Variants in ADGRV1 observed in about 807,000 individuals in gnomAD.
The protein encoded by ADGRV1 is adhesion G protein-coupled receptor V1, also known as G-protein coupled receptor 98.
ADGRV1 carries 359 observed loss-of-function variants against 596.2 expected under a neutral mutation model. The ratio of observed to expected loss-of-function variants is 0.60; its 90% CI spans 0.55 to 0.66. The LOEUF (loss-of-function observed/expected upper bound fraction) is 0.66, where lower values mean the gene tolerates loss of function less well. Ranked by LOEUF, ADGRV1 falls within the 30% of genes least tolerant of loss-of-function variation. The pLI, the probability that ADGRV1 is intolerant of heterozygous loss-of-function variation, is 0.00. For missense variants in ADGRV1, 7,274 were observed against 7,575.6 expected (o/e 0.96, Z 1.48); for synonymous variants, 2,681 against 2,679.2 (o/e 1.00, Z -0.02).
At chr5:91,018,291 A>G (rs1783341741) in intron 85 of ADGRV1, among the ~76,000 whole-genome samples, 1 of 151,966 alleles carries the variant, frequency 6.6e-6, no homozygotes, top group Non-Finnish European at 1.5e-5. Context: ...AGCTCCAGAC[A>G]GCTCAGCTCC....
rs1774807785 is a variant in ADGRV1, at chr5:90,928,668, C to A, written c.17857-36747C>A. Among the ~76,000 whole-genome samples, 4 of 150,572 alleles carry A rather than the reference C, an allele frequency of 2.7e-5. No homozygotes were observed. In the South Asian group the frequency reaches 8.5e-4, roughly 32 times the overall value. On this transcript the variant is annotated intron_variant, in intron 83 of 89. Transcript: ENST00000405460. ...TTCTCCATCCAGCTTTGTTCCGTTG[C>A]TGGTGAGGAACTGCGTTCCTTTGGA...
At chr5:90,734,040 T>C (rs73175296) in intron 50 of ADGRV1, among the ~76,000 whole-genome samples, 1,849 of 152,316 alleles carry the variant, frequency 0.012, 35 homozygotes, top group African/African-American at 0.043. Flanking sequence ...GTGCCTAGCT[T>C]ATTTACTTGG....
chr5:91,030,350 T>G (rs554233755), intron 85 of ADGRV1, among the ~76,000 whole-genome samples: 1 of 152,292 alleles, frequency 6.6e-6, no homozygotes, highest in South Asian at 2.1e-4. Flanking sequence ...ATGTTTTTGG[T>G]ATTTTGGTAT....
At chr5:90,617,550 C>T (rs140476442) in intron 2 of ADGRV1, 233 of 273,832 alleles carry the variant, frequency 8.5e-4, no homozygotes, top group African/African-American at 3.8e-3. Flanking sequence ...CCTCGTGATC[C>T]GCCCGTGTCG....
In ADGRV1 at chr5:90,712,392, C is replaced by A. The variant is rs868325775; in HGVS notation, c.9148C>A (p.Pro3050Thr). 1 of 1,589,970 alleles carries A rather than the reference C, an allele frequency of 6.3e-7. No individual in the cohort carries two copies. The highest frequency in any genetic ancestry group is 1.1e-5 in the South Asian group (1 of 87,712). ...AAAATTTCAGCTGATTTTAACAAAT[C>A]CTTCTCCTGGACTAGAGCTAGGGAA... ...DEKFQLILTN[P>T]SPGLELGKNT... Residue 3050 changes from proline to threonine, a missense_variant, in exon 42 of 90, where the codon CCT becomes ACT. Physicochemically the swap from Pro to Thr is conservative, Grantham distance 38. Around this residue, in one of 5 missense-constraint regions of ADGRV1, gnomAD observed 3,643 missense variants for 3,809.2 expected, o/e 0.96. Transcript: ENST00000405460.
In ADGRV1 at chr5:90,711,163, TG is replaced by T. The variant is rs748267735; in HGVS notation, c.8904-20del. On this transcript the variant is annotated intron_variant, in intron 40 of 89. Transcript: ENST00000405460. The stretch of plus-strand genomic sequence containing the variant: ...AAAATTAATTTTTTTTGTTTGTTTT[TG>T]TTTTTTTGCTATATTATAGGTTTGA... The T allele has an allele frequency of 1.9e-6, 3 of 1,590,392 alleles. No homozygotes were observed. The highest frequency in any genetic ancestry group is 1.2e-5 in the South Asian group (1 of 85,926).
chr5:90,643,076 T>G, intron 13 of ADGRV1, 35 bp downstream of exon 13: 2 of 1,508,216 alleles, frequency 1.3e-6, no homozygotes, highest in East Asian at 4.5e-5. Flanking sequence ...TGTTTCTCTG[T>G]AAGATTGATA....
chr5:91,140,365 T>C (rs1171998196), intron 87 of ADGRV1, among the ~76,000 whole-genome samples: 1 of 152,200 alleles, frequency 6.6e-6, no homozygotes, highest in Non-Finnish European at 1.5e-5. Context: ...ATCTGAATGC[T>C]AAACTCTTAA....
chr5:90,612,932 A>G (rs1203781749), intron 1 of ADGRV1, among the ~76,000 whole-genome samples: 1 of 152,064 alleles, frequency 6.6e-6, no homozygotes, highest in African/African-American at 2.4e-5. Flanking sequence ...CAGAATTAAT[A>G]GGGCTACTTG....
At chr5:90,581,791 G>T (rs1758096680) in intron 1 of ADGRV1, among the ~76,000 whole-genome samples, 1 of 152,098 alleles carries the variant, frequency 6.6e-6, no homozygotes, top group East Asian at 1.9e-4. Flanking sequence ...TGTCAGACAG[G>T]GCTCTAACTT....
chr5:91,128,406 T>C (rs1402222550), intron 87 of ADGRV1, among the ~76,000 whole-genome samples: 1 of 152,056 alleles, frequency 6.6e-6, no homozygotes, highest in Admixed American at 6.6e-5. Context: ...ACATCTGTAA[T>C]GTAATTATTT....
chr5:90,695,075 G>A (rs984190251), intron 33 of ADGRV1, among the ~76,000 whole-genome samples: 3 of 152,156 alleles, frequency 2.0e-5, no homozygotes, highest in Admixed American at 6.5e-5. Flanking sequence ...TTGGTAAGAA[G>A]CAGTGGTAGC....
chr5:90,589,883 T>G (rs966656385), intron 1 of ADGRV1, among the ~76,000 whole-genome samples: 1 of 152,158 alleles, frequency 6.6e-6, no homozygotes, highest in Admixed American at 6.5e-5. Context: ...ACACCAAAAT[T>G]ACTGAAAAAC....
At position 90,810,434 on chromosome 5, in the gene ADGRV1, T is replaced by A; in HGVS notation, c.15174T>A (p.Val5058=). The change falls in exon 74 of 90, where the codon GTT becomes GTA. Residue 5058 remains valine, a synonymous_variant. Transcript: ENST00000405460. The part of the protein sequence containing the change: ...SAKPLEDFEP[V]QNGELFFQKF... ...AGCCACTGGAAGATTTTGAGCCTGT[T>A]CAGAATGGGGAACTGTTTTTTCAAA... 1 of 1,613,942 alleles carries A rather than the reference T, an allele frequency of 6.2e-7. No homozygotes were observed. Among genetic ancestry groups the A allele is most frequent in the Non-Finnish European group, 8.5e-7 (1 of 1,179,834 alleles).
At position 90,651,614 on chromosome 5, in the gene ADGRV1, A is replaced by G. The variant is rs1768637976; in HGVS notation, c.3300A>G (p.Val1100=). The part of the protein sequence containing the change: ...IILLNSTGDT[V]VYQYGVATVI... ...CCACTTTTAATTTAGGTGATACAGT[A>G]GTATATCAATATGGAGTAGCTACAG... The change falls in exon 18 of 90, where the codon GTA becomes GTG. Residue 1100 remains valine (V), a synonymous_variant. Coordinates refer to ENST00000405460, the MANE Select transcript of ADGRV1 (RefSeq NM_032119.4). The G allele has an allele frequency of 6.3e-7, 1 of 1,577,066 alleles. No individual in the cohort carries two copies. The highest frequency in any genetic ancestry group is 8.7e-7 in the Non-Finnish European group (1 of 1,148,810).
In ADGRV1 at chr5:90,642,886, C is replaced by T. The variant is rs373780305; in HGVS notation, c.2398C>T (p.Arg800Ter). The change falls in exon 13 of 90, where the codon CGA becomes TGA. Residue 800 changes from arginine (R) to a stop codon, truncating the protein, a stop_gained. Transcript: ENST00000405460. LOFTEE classifies it high-confidence loss of function. ...AGAATCTGTAGAGCTCCACATCATC[C>T]GATCAAGGGGGTCCCTTGTTAAGCA... ...EGESVELHII[R>*]SRGSLVKQFL... 2.3e-5 allele frequency: 37 copies of T among 1,607,408 alleles called. No homozygotes were observed. The highest frequency in any genetic ancestry group is 5.4e-5 in the African/African-American group (4 of 74,582).
intron 85 of ADGRV1, among the ~76,000 whole-genome samples, chr5:91,043,179 G>A (rs1013596498): frequency 6.6e-6 from 1 of 152,116 alleles, no homozygotes; most frequent in Non-Finnish European, 1.5e-5. Context: ...TAAATCTACA[G>A]TGTGTTCTTG....
Position 90,627,900 on chromosome 5 carries a change from A to G in ADGRV1, c.1238+124A>G, listed in dbSNP as rs1034856413. On this transcript the variant is annotated intron_variant, in intron 7 of 89. Coordinates refer to ENST00000405460, the MANE Select transcript of ADGRV1 (RefSeq NM_032119.4). ...GTGTCATTTTTTCCCACAAAGTTTC[A>G]TGACAAACTCAGAAAAGACACACAC... 20 of 477,464 alleles carry G rather than the reference A, an allele frequency of 4.2e-5. No individual in the cohort carries two copies. In the Admixed American group the frequency reaches 7.1e-4, roughly 17 times the overall value. The allele number at this position is 477,464 out of a possible 1,614,324, so 29.6% of individuals were successfully genotyped here. A position where few individuals can be genotyped will look rare whatever the true frequency, so the allele number is the denominator to read the frequency against.
intron 83 of ADGRV1, among the ~76,000 whole-genome samples, chr5:90,933,548 C>G (rs1775432857): frequency 2.6e-5 from 4 of 152,014 alleles, no homozygotes; most frequent in Admixed American, 2.6e-4. Flanking sequence ...TGTGCCAGGA[C>G]CTAGTAGAAT....
Sources: allele counts gnomAD v4.1 joint callset (sites outside exome capture counted in the v4.1 genomes callset), GRCh38; gene constraint gnomAD v4.1.1; regional missense constraint gnomAD v4.1.1; transcripts MANE v1.5; gene names NCBI Gene and HGNC (gene_info 2026-07-23, HGNC 2026-07-21).